PRKN: variants seen among roughly 807,000 people sequenced by gnomAD.
The protein encoded by PRKN is parkin RBR E3 ubiquitin protein ligase.
A neutral mutation model predicts 59.5 loss-of-function variants in PRKN; 56 were observed. The observed-to-expected ratio is 0.94, with a 90% CI of 0.76 to 1.18. PRKN has a LOEUF of 1.18. PRKN is among the 50% of genes most tolerant of loss of function. PRKN has a pLI of 0.00. For synonymous variants in PRKN, 250 were observed against 222.1 expected (o/e 1.13, Z -1.12); for missense variants, 657 against 596.4 (o/e 1.10, Z -1.06).
At chr6:161,628,330 G>A (rs1390416744) in intron 7 of PRKN, among the ~76,000 whole-genome samples, 1 of 152,212 alleles carries the variant, frequency 6.6e-6, no homozygotes, top group African/African-American at 2.4e-5. Flanking sequence ...GCAAGGCCAA[G>A]ATCAAGGTGA....
intron 1 of PRKN, among the ~76,000 whole-genome samples, chr6:162,692,243 A>T (rs115490697): frequency 0.015 from 2,269 of 152,128 alleles, 63 homozygotes; most frequent in African/African-American, 0.052. Context: ...GTGTATCAAG[A>T]GACTTGTGCA....
intron 5 of PRKN, among the ~76,000 whole-genome samples, chr6:162,001,687 C>T (rs767816592): frequency 1.3e-5 from 2 of 151,840 alleles, no homozygotes; most frequent in Non-Finnish European, 2.9e-5. Flanking sequence ...CAGTAAAATG[C>T]TGAAAAGGAG....
At position 161,578,216 on chromosome 6, in the gene PRKN, G is replaced by C. The variant is rs1781207211; in HGVS notation, c.872-8800C>G. On this transcript the variant is annotated intron_variant, in intron 7 of 11. Coordinates refer to ENST00000366898, the MANE Select transcript of PRKN (RefSeq NM_004562.3). The surrounding 1 kb of genome is among the most constrained non-coding windows in gnomAD (Gnocchi z 4.2). ...TTTGAGGAATCCAAGCAGCTGCTTGGCTGCAGATGAGAATTGAAAGCACCT... is the reference window on the plus strand; with the variant it reads ...TTTGAGGAATCCAAGCAGCTGCTTGCCTGCAGATGAGAATTGAAAGCACCT... Among the ~76,000 whole-genome samples the C allele has an allele frequency of 6.6e-6, 1 of 152,150 alleles. No individual in the cohort carries two copies.
chr6:161,511,980 C>T (rs556357282), intron 9 of PRKN, among the ~76,000 whole-genome samples: 1 of 152,276 alleles, frequency 6.6e-6, no homozygotes, highest in Non-Finnish European at 1.5e-5. Flanking sequence ...CCCACGTTTC[C>T]CCCTAACACA....
At chr6:161,664,786 A>G (rs1784666068) in intron 7 of PRKN, among the ~76,000 whole-genome samples, 1 of 116,112 alleles carries the variant, frequency 8.6e-6, no homozygotes, top group African/African-American at 3.2e-5. Context: ...ACAACAACTG[A>G]CTTTTTCTTT....
chr6:162,444,105 C>T (rs1396761871), intron 1 of PRKN, among the ~76,000 whole-genome samples: 2 of 152,108 alleles, frequency 1.3e-5, no homozygotes, highest in African/African-American at 4.8e-5. Context: ...CCGTGAGACC[C>T]AGGCTGCATC....
chr6:161,733,163 C>G (rs1357227775), intron 7 of PRKN, among the ~76,000 whole-genome samples: 1 of 152,012 alleles, frequency 6.6e-6, no homozygotes, highest in Non-Finnish European at 1.5e-5. Context: ...CTACTAGCTA[C>G]CTAGGAAAAA....
chr6:161,857,045 C>T (rs901096092), intron 6 of PRKN, among the ~76,000 whole-genome samples: 6 of 151,416 alleles, frequency 4.0e-5, no homozygotes, highest in African/African-American at 1.2e-4. Context: ...GCCTGGCCAA[C>T]GTGGTAAAAC....
chr6:162,500,328 C>T (rs554020463), intron 1 of PRKN, among the ~76,000 whole-genome samples: 218 of 152,168 alleles, frequency 1.4e-3, no homozygotes, highest in Middle Eastern at 0.014. Flanking sequence ...CCCGCCACCA[C>T]GCCCAGCTAA....
At chr6:162,671,247 TC>T (rs1779304963) in intron 1 of PRKN, among the ~76,000 whole-genome samples, 1 of 152,142 alleles carries the variant, frequency 6.6e-6, no homozygotes, top group Non-Finnish European at 1.5e-5. Flanking sequence ...ATGCCTGTAA[TC>T]CCAGCACTTT....
intron 5 of PRKN, among the ~76,000 whole-genome samples, chr6:162,023,732 AGCAG>A (rs1783306042): frequency 6.6e-6 from 1 of 152,082 alleles, no homozygotes; most frequent in Non-Finnish European, 1.5e-5. Context: ...TGGGCCCGAA[AGCAG>A]GACTACCTGT....
At chr6:161,720,223 A>G (rs1237186882) in intron 7 of PRKN, among the ~76,000 whole-genome samples, 1 of 152,264 alleles carries the variant, frequency 6.6e-6, no homozygotes, top group Non-Finnish European at 1.5e-5. Context: ...TAAAAAGTTC[A>G]AAAGAGTAGC....
intron 4 of PRKN, among the ~76,000 whole-genome samples, chr6:162,178,484 G>A (rs371802879): frequency 9.9e-5 from 15 of 152,204 alleles, no homozygotes; most frequent in African/African-American, 3.4e-4. Context: ...CTATGGCTCC[G>A]GTGCTCCAGA....
chr6:162,240,858 A>T (rs1376905338), intron 3 of PRKN, among the ~76,000 whole-genome samples: 1 of 152,218 alleles, frequency 6.6e-6, no homozygotes, highest in African/African-American at 2.4e-5. Flanking sequence ...TTTTTCATAT[A>T]TGATGAGTTT....
chr6:161,562,643 T>C lies in PRKN; in HGVS notation c.933+6712A>G, dbSNP rs1780499653. ...TCAGGCATAGCAAATGTGTTCAGAA[T>C]TGAAGCTCAGATCCCATGCCTCTGA... On this transcript the variant is annotated intron_variant, in intron 8 of 11. Transcript: ENST00000366898. The surrounding 1 kb of genome is among the most constrained non-coding windows in gnomAD (Gnocchi z 4.3). Among the ~76,000 whole-genome samples, 2 of 152,184 alleles carry C rather than the reference T, an allele frequency of 1.3e-5. No homozygotes were observed. The highest frequency in any genetic ancestry group is 4.1e-4 in the South Asian group (2 of 4,822).
rs1299443738 is a variant in PRKN at position 162,357,580 on chromosome 6, C to A, written c.171+85730G>T. 3.9e-5 allele frequency among the ~76,000 whole-genome samples: 6 copies of A among 152,144 alleles called. No individual in the cohort carries two copies. In the East Asian group the frequency reaches 1.2e-3, roughly 29 times the overall value. ...ATGACCAGTTTGGAAGATAGTTTGG[C>A]AGTTTCTTACAAAACTAAGCAGATT... On this transcript the variant is annotated intron_variant, in intron 2 of 11. Coordinates refer to ENST00000366898, the MANE Select transcript of PRKN (RefSeq NM_004562.3).
intron 4 of PRKN, among the ~76,000 whole-genome samples, chr6:162,129,222 G>A (rs1281654931): frequency 6.6e-6 from 1 of 152,030 alleles, no homozygotes; most frequent in East Asian, 1.9e-4. Context: ...TATACCTTAG[G>A]TTTCTTAAAT....
At chr6:162,584,906 T>C (rs776781885) in intron 1 of PRKN, among the ~76,000 whole-genome samples, 6 of 98,262 alleles carry the variant, frequency 6.1e-5, no homozygotes, top group Non-Finnish European at 8.3e-5. Flanking sequence ...CCTCTCCTCT[T>C]CTCTTTTCTT....
intron 7 of PRKN, among the ~76,000 whole-genome samples, chr6:161,657,829 G>A (rs943804208): frequency 7.2e-5 from 11 of 151,778 alleles, no homozygotes; most frequent in Non-Finnish European, 1.5e-4. Flanking sequence ...AGTTGGAGAC[G>A]GGCATGGCCA....
Sources: gnomAD v4.1 joint callset for allele counts (sites outside exome capture counted in the v4.1 genomes callset) on GRCh38, gnomAD v4.1.1 for gene constraint, Gnocchi (gnomAD v3.1) non-coding constraint, MANE v1.5 for transcripts, NCBI Gene and HGNC (gene_info 2026-07-23, HGNC 2026-07-21) for gene names.